The following NUP155 variants were observed in gnomAD, a reference collection of about 807,000 sequenced individuals.
The protein encoded by NUP155 is nuclear pore complex protein Nup155.
Under a neutral mutation model 180.4 loss-of-function variants are expected in NUP155, and 71 were observed. The ratio of observed to expected loss-of-function variants is 0.39; its 90% CI spans 0.33 to 0.48. The LOEUF is 0.48. Ranked by LOEUF, NUP155 falls within the 20% of genes least tolerant of loss-of-function variation. The pLI, the probability that NUP155 is intolerant of heterozygous loss-of-function variation, is 0.91. For missense variants in NUP155, 1,553 were observed against 1,648.9 expected (o/e 0.94, Z 1.01); for synonymous variants, 582 against 559.5 (o/e 1.04, Z -0.57).
chr5:37,321,500 C>CCT (rs1744241585), intron 20 of NUP155, among the ~76,000 whole-genome samples: 3 of 152,056 alleles, frequency 2.0e-5, no homozygotes, highest in Non-Finnish European at 4.4e-5. Context: ...GGGCGGAGCA[C>CCT]GAAGTCAAGA....
At chr5:37,324,706 C>G (rs926638292) in intron 19 of NUP155, among the ~76,000 whole-genome samples, 1 of 152,096 alleles carries the variant, frequency 6.6e-6, no homozygotes, top group African/African-American at 2.4e-5. Context: ...CACCACATAT[C>G]TGACTAATTT....
At position 37,299,001 on chromosome 5, in the gene NUP155, T is replaced by C. The variant is rs1464342700; in HGVS notation, c.3683-23A>G. 3.7e-6 allele frequency: 5 copies of C among 1,337,772 alleles called. No individual in the cohort carries two copies. In the East Asian group the frequency reaches 6.9e-5, roughly 18 times the overall value. The allele number at this position is 1,337,772 out of a possible 1,614,324, so 82.9% of individuals were successfully genotyped here. On this transcript the variant is annotated intron_variant, in intron 31 of 34. Coordinates refer to ENST00000231498, the MANE Select transcript of NUP155 (RefSeq NM_153485.3). ...ATTCTGTAACAAAAAGACATGTCAT[T>C]TGAAACCCAAATTACTTTTAATGTG...
rs1198741782 is a variant in NUP155 at position 37,288,445 on chromosome 5, T to A, written c.*3455A>T. On this transcript the variant is annotated 3_prime_UTR_variant, in exon 35 of 35. Transcript: ENST00000231498. ...AGTATCTCATAGCATAAACAGTTAGTCAAGATAGCTTTCTCTTTCCTAACC... is the reference window on the plus strand; with the variant it reads ...AGTATCTCATAGCATAAACAGTTAGACAAGATAGCTTTCTCTTTCCTAACC... 6.6e-6 allele frequency: 1 copy of A among 152,050 alleles called. No individual in the cohort carries two copies. The highest frequency in any genetic ancestry group is 1.5e-5 in the Non-Finnish European group (1 of 67,990). The allele number at this position is 152,050 out of a possible 1,614,324, so 9.4% of individuals were successfully genotyped here.
intron 8 of NUP155, among the ~76,000 whole-genome samples, chr5:37,348,818 T>C (rs1163497401): frequency 2.6e-5 from 4 of 152,036 alleles, no homozygotes; most frequent in South Asian, 2.1e-4. Context: ...GGCAAAGGCA[T>C]GATCTCGGCT....
At chr5:37,340,639 G>A (rs1745653097) in intron 11 of NUP155, among the ~76,000 whole-genome samples, 1 of 152,098 alleles carries the variant, frequency 6.6e-6, no homozygotes, top group South Asian at 2.1e-4. Context: ...TTCAATGGGG[G>A]ATATAATAGT....
At chr5:37,362,803 T>C (rs1486373072) in intron 3 of NUP155, among the ~76,000 whole-genome samples, 1 of 152,214 alleles carries the variant, frequency 6.6e-6, no homozygotes, top group African/African-American at 2.4e-5. Context: ...AACTATTACA[T>C]TTCAACATGA....
At chr5:37,304,641 G>T in intron 27 of NUP155, 98 bp downstream of exon 27, 3 of 857,486 alleles carry the variant, frequency 3.5e-6, no homozygotes, top group Non-Finnish European at 5.8e-6. Flanking sequence ...GCAGGCATGG[G>T]ATGAGAAACT....
rs748549112 is a variant in NUP155, at chr5:37,314,184, A to G, written c.2436+14T>C. 6.3e-7 allele frequency: 1 copy of G among 1,586,448 alleles called. No individual in the cohort carries two copies. Among genetic ancestry groups the G allele is most frequent in the Non-Finnish European group, 8.6e-7 (1 of 1,157,398 alleles). ...GTATTAATGGTATAATCATAAAAAA[A>G]TAAAAAAAATTACCTTCTGAAGTTC... On this transcript the variant is annotated intron_variant, in intron 22 of 34. Transcript: ENST00000231498.
chr5:37,309,365 G>C (rs550042363), intron 23 of NUP155, 98 bp from the exon 24 acceptor site: 3 of 891,388 alleles, frequency 3.4e-6, no homozygotes, highest in Non-Finnish European at 5.0e-6. Context: ...TTTATATATG[G>C]TTATTACCAT....
At chr5:37,358,255 G>A (rs936479882) in intron 3 of NUP155, 104 bp from the exon 4 acceptor site, 39 of 802,660 alleles carry the variant, frequency 4.9e-5, no homozygotes, top group Non-Finnish European at 7.6e-5. Flanking sequence ...GAGGCAGGAG[G>A]ACTGCCTGAG....
In NUP155 at chr5:37,304,733, A is replaced by T. The variant is rs1418569338; in HGVS notation, c.3162+6T>A. ...ATTAACACAACTGCAATAAAAAAAG[A>T]TTTACCTGTAGCAGCTTATCTGCAA... On this transcript the variant is annotated splice_donor_region_variant and intron_variant, in intron 27 of 34. Transcript: ENST00000231498. The T allele has an allele frequency of 1.3e-6, 2 of 1,571,808 alleles. No homozygotes were observed. The highest frequency in any genetic ancestry group is 1.8e-6 in the Non-Finnish European group (2 of 1,141,982).
chr5:37,293,773 G>C (rs1234491285), intron 33 of NUP155, among the ~76,000 whole-genome samples: 1 of 77,664 alleles, frequency 1.3e-5, no homozygotes, highest in Non-Finnish European at 2.1e-5. Context: ...GCCGAGGCGG[G>C]TGGATCATGA....
chr5:37,317,367 A>T (rs1198052188), intron 21 of NUP155, among the ~76,000 whole-genome samples: 4 of 151,682 alleles, frequency 2.6e-5, no homozygotes, highest in Non-Finnish European at 5.9e-5. Flanking sequence ...ACATGCCTCT[A>T]ATCCCAGCTA....
intron 1 of NUP155, among the ~76,000 whole-genome samples, chr5:37,366,063 A>G (rs919720743): frequency 1.3e-5 from 2 of 152,066 alleles, no homozygotes; most frequent in African/African-American, 4.8e-5. Context: ...CCCCACAAGC[A>G]GTATCTTATT....
At chr5:37,339,415 C>A (rs1397377335) in intron 11 of NUP155, among the ~76,000 whole-genome samples, 1 of 151,924 alleles carries the variant, frequency 6.6e-6, no homozygotes, top group African/African-American at 2.4e-5. Context: ...ACTGCTTGAG[C>A]CCAGGAGTTT....
At chr5:37,370,662 A>C in intron 1 of NUP155, 159 bp downstream of exon 1, 1 of 1,591,718 alleles carries the variant, frequency 6.3e-7, no homozygotes, top group South Asian at 1.1e-5. Context: ...GGAAAGGAAA[A>C]AACCTGAAAA....
chr5:37,365,407 A>G (rs552055317), intron 1 of NUP155, among the ~76,000 whole-genome samples: 8 of 151,664 alleles, frequency 5.3e-5, no homozygotes, highest in African/African-American at 1.9e-4. Context: ...CATCTCATGC[A>G]CCACATAAAT....
At chr5:37,294,814 G>C (rs897671661) in intron 32 of NUP155, among the ~76,000 whole-genome samples, 6 of 152,096 alleles carry the variant, frequency 3.9e-5, no homozygotes, top group Admixed American at 2.0e-4. Flanking sequence ...ATCTAAAGTA[G>C]ATTAGTGGCT....
chr5:37,333,708 TAAAG>T, intron 12 of NUP155, 75 bp from the exon 13 acceptor site: 1 of 1,021,488 alleles, frequency 9.8e-7, no homozygotes, highest in Non-Finnish European at 1.5e-6. Flanking sequence ...ACAGACTTAA[TAAAG>T]AAGTAAATTT....
Sources: gnomAD v4.1 joint callset for allele counts (sites outside exome capture counted in the v4.1 genomes callset) on GRCh38, gnomAD v4.1.1 for gene constraint, MANE v1.5 for transcripts, NCBI Gene and HGNC (gene_info 2026-07-23, HGNC 2026-07-21) for gene names.